Variants in CCSER2 observed in about 807,000 individuals in gnomAD.
The protein encoded by CCSER2 is serine-rich coiled-coil domain-containing protein 2.
A neutral mutation model predicts 92.3 loss-of-function variants in CCSER2; 46 were observed. The ratio of observed to expected loss-of-function variants is 0.50; its 90% CI spans 0.39 to 0.64. The LOEUF (loss-of-function observed/expected upper bound fraction) is 0.64, where lower values mean the gene tolerates loss of function less well. CCSER2 is among the 30% of genes least tolerant of loss of function. The pLI is 0.00. For missense variants in CCSER2, 1,244 were observed against 1,238.9 expected, an observed-to-expected ratio of 1.00 and a Z score of -0.06; for synonymous variants, 433 against 431.4, an observed-to-expected ratio of 1.00 and a Z score of -0.04.
At chr10:84,467,202 A>C (rs569201425) in intron 7 of CCSER2, among the ~76,000 whole-genome samples, 1 of 152,208 alleles carries the variant, frequency 6.6e-6, no homozygotes, top group East Asian at 1.9e-4. Flanking sequence ...CTTTTGTGTC[A>C]CTTCTCTCTG....
Position 84,514,495 on chromosome 10 carries a change from C to G in CCSER2, c.*228C>G, listed in dbSNP as rs1374533282. The stretch of plus-strand genomic sequence containing the variant: ...CAGGTAAACACGAAAGTTTGCTTAC[C>G]CATTTCAGAGGCCTGCCAAAGGCCC... On this transcript the variant is annotated 3_prime_UTR_variant, in exon 10 of 10. Coordinates refer to ENST00000372088, the MANE Select transcript of CCSER2 (RefSeq NM_001284240.2). The G allele has an allele frequency of 1.9e-6, 1 of 520,786 alleles. No homozygotes were observed. The highest frequency in any genetic ancestry group is 3.4e-6 in the Non-Finnish European group (1 of 297,010). The allele number at this position is 520,786 out of a possible 1,614,324, so 32.3% of individuals were successfully genotyped here.
chr10:84,403,997 T>C (rs922734968), intron 3 of CCSER2, among the ~76,000 whole-genome samples: 2 of 152,220 alleles, frequency 1.3e-5, no homozygotes, highest in African/African-American at 4.8e-5. Context: ...ACACCTTGAA[T>C]TCATTTCTAA....
intron 1 of CCSER2, among the ~76,000 whole-genome samples, chr10:84,331,756 A>G (rs1843573297): frequency 6.6e-6 from 1 of 152,204 alleles, no homozygotes; most frequent in Non-Finnish European, 1.5e-5. Context: ...TAAAAATCAA[A>G]ACAAACTTAA....
chr10:84,466,792 C>T (rs1210927913), intron 7 of CCSER2, among the ~76,000 whole-genome samples: 7 of 152,118 alleles, frequency 4.6e-5, no homozygotes, highest in South Asian at 2.1e-4. Flanking sequence ...GGATTACAGG[C>T]GTAAGCCACC....
chr10:84,364,355 A>G (rs1589449038), intron 1 of CCSER2, among the ~76,000 whole-genome samples: 1 of 152,244 alleles, frequency 6.6e-6, no homozygotes, highest in African/African-American at 2.4e-5. Flanking sequence ...CGTTGTAAAT[A>G]TAGTCCATTA....
rs1304320408 is a variant in CCSER2 at position 84,457,286 on chromosome 10, T to TA, written c.2065-6647_2065-6646insA. Among the ~76,000 whole-genome samples, 53 of 72,338 alleles carry TA rather than the reference T, an allele frequency of 7.3e-4. 1 individual carries two copies. Among genetic ancestry groups the TA allele is most frequent in the African/African-American group, 1.3e-3 (22 of 17,362 alleles). The allele number at this position is 72,338 out of a possible 152,430, so 47.5% of individuals were successfully genotyped here. The stretch of plus-strand genomic sequence containing the variant: ...TATATTATATATAATATATTATATA[T>TA]TATATATTATATATAATATGTTATA... On this transcript the variant is annotated intron_variant, in intron 6 of 9. Coordinates refer to ENST00000372088, the MANE Select transcript of CCSER2 (RefSeq NM_001284240.2).
At chr10:84,411,546 A>G (rs1228155226) in intron 3 of CCSER2, among the ~76,000 whole-genome samples, 1 of 151,938 alleles carries the variant, frequency 6.6e-6, no homozygotes, top group Non-Finnish European at 1.5e-5. Flanking sequence ...GTTAATACGT[A>G]CGTATTCTCT....
chr10:84,359,684 A>C (rs898630355), intron 1 of CCSER2, among the ~76,000 whole-genome samples: 1 of 152,042 alleles, frequency 6.6e-6, no homozygotes, highest in Non-Finnish European at 1.5e-5. Flanking sequence ...ATAGGGGTAT[A>C]TAAGTGCTCC....
intron 3 of CCSER2, among the ~76,000 whole-genome samples, chr10:84,400,166 C>T (rs1378949780): frequency 6.6e-6 from 1 of 151,432 alleles, no homozygotes; most frequent in Non-Finnish European, 1.5e-5. Flanking sequence ...CAAATATTTT[C>T]TCCCATTCTG....
At chr10:84,362,387 A>G (rs570207549) in intron 1 of CCSER2, among the ~76,000 whole-genome samples, 145 of 152,348 alleles carry the variant, frequency 9.5e-4, no homozygotes, top group African/African-American at 3.3e-3. Flanking sequence ...CCCTCTGCAC[A>G]TTAATGACAT....
chr10:84,421,087 T>C (rs1208084757), intron 4 of CCSER2, among the ~76,000 whole-genome samples: 1 of 152,212 alleles, frequency 6.6e-6, no homozygotes, highest in Non-Finnish European at 1.5e-5. Context: ...TCATTATGAA[T>C]GACAATTGTC....
chr10:84,416,724 C>T (rs1278704134), intron 3 of CCSER2, among the ~76,000 whole-genome samples: 3 of 151,982 alleles, frequency 2.0e-5, no homozygotes, highest in Non-Finnish European at 2.9e-5. Flanking sequence ...GTCAGGAGAT[C>T]GAGACCATCC....
intron 1 of CCSER2, among the ~76,000 whole-genome samples, chr10:84,340,267 C>T (rs1274609065): frequency 6.6e-6 from 1 of 152,162 alleles, no homozygotes; most frequent in Non-Finnish European, 1.5e-5. Context: ...TTCCTGTTAA[C>T]ATTATGAGGT....
At position 84,332,626 on chromosome 10, in the gene CCSER2, A is replaced by T. The variant is rs1225587275; in HGVS notation, c.-40+3818A>T. On this transcript the variant is annotated intron_variant, in intron 1 of 9. Transcript: ENST00000372088. ...CCTAATTTTTGTATTTTTAATAGAG[A>T]TGGGGTAATCCCTATATTATATATT... 3.3e-5 allele frequency among the ~76,000 whole-genome samples: 5 copies of T among 151,058 alleles called. No individual in the cohort carries two copies. In the East Asian group the frequency reaches 7.8e-4, roughly 23 times the overall value.
At chr10:84,384,194 A>C (rs1841065205) in intron 3 of CCSER2, among the ~76,000 whole-genome samples, 2 of 152,244 alleles carry the variant, frequency 1.3e-5, no homozygotes, top group South Asian at 2.1e-4. Flanking sequence ...TTTACTAGGC[A>C]TGCAAGAGAG....
intron 7 of CCSER2, among the ~76,000 whole-genome samples, chr10:84,469,160 G>A (rs1400032942): frequency 6.6e-6 from 1 of 152,054 alleles, no homozygotes; most frequent in Non-Finnish European, 1.5e-5. Context: ...TTGTTAAGGT[G>A]CCTTAAAATG....
chr10:84,347,548 G>T (rs1844582158), intron 1 of CCSER2, among the ~76,000 whole-genome samples: 1 of 151,582 alleles, frequency 6.6e-6, no homozygotes, highest in African/African-American at 2.4e-5. Flanking sequence ...TGGCCGGGCG[G>T]GGGCTGCCTC....
At chr10:84,482,396 C>G (rs1847509671) in intron 9 of CCSER2, among the ~76,000 whole-genome samples, 1 of 152,068 alleles carries the variant, frequency 6.6e-6, no homozygotes. Flanking sequence ...GTTGGTTATG[C>G]GAGAAATCAA....
At chr10:84,457,626 ATATATTATATATAATTATATATAATT>A (rs1845836072) in intron 6 of CCSER2, among the ~76,000 whole-genome samples, 2 of 23,914 alleles carry the variant, frequency 8.4e-5, no homozygotes, top group Non-Finnish European at 1.7e-4. Flanking sequence ...TTATATATTT[ATATATTATATATAATTATATATAATT>A]ATATTATTTT....
Sources: allele counts gnomAD v4.1 joint callset (sites outside exome capture counted in the v4.1 genomes callset), GRCh38; gene constraint gnomAD v4.1.1; transcripts MANE v1.5; gene names NCBI Gene and HGNC (gene_info 2026-07-23, HGNC 2026-07-21).